The following FGGY variants were observed in gnomAD, a reference collection of about 807,000 sequenced individuals.
FGGY encodes FGGY carbohydrate kinase domain containing, also known as FGGY carbohydrate kinase domain-containing protein.
FGGY carries 72 observed loss-of-function variants against 71.3 expected under a neutral mutation model. The ratio of observed to expected loss-of-function variants is 1.01; its 90% CI spans 0.84 to 1.23. The LOEUF (loss-of-function observed/expected upper bound fraction) is 1.23. Among genes scored for constraint, FGGY ranks in the 50% most tolerant of loss-of-function variants. The pLI is 0.00. For synonymous variants in FGGY, 251 were observed against 250.3 expected (o/e 1.00, Z -0.02); for missense variants, 668 against 682.3 (o/e 0.98, Z 0.23).
intron 4 of FGGY, among the ~76,000 whole-genome samples, chr1:59,352,610 G>A (rs985015169): frequency 2.0e-5 from 3 of 152,154 alleles, no homozygotes; most frequent in Admixed American, 2.0e-4. Flanking sequence ...GAACCTGGGG[G>A]TTTGGATGGC....
chr1:59,514,892 G>T (rs1008433063), intron 7 of FGGY, among the ~76,000 whole-genome samples: 16 of 152,166 alleles, frequency 1.1e-4, no homozygotes, highest in Non-Finnish European at 2.9e-5. Context: ...CATAAAAACA[G>T]ACTAATACAG....
At chr1:59,687,454 C>T (rs2153996711) in intron 14 of FGGY, among the ~76,000 whole-genome samples, 1 of 151,928 alleles carries the variant, frequency 6.6e-6, no homozygotes, top group Middle Eastern at 3.4e-3. Flanking sequence ...TCTCTTCTGT[C>T]ACTAATGAAA....
At chr1:59,694,773 C>G (rs12079521) in intron 14 of FGGY, among the ~76,000 whole-genome samples, 1 of 151,682 alleles carries the variant, frequency 6.6e-6, no homozygotes, top group South Asian at 2.1e-4. Context: ...AATCCTCCCT[C>G]CTCAGTTTTC....
chr1:59,656,681 T>C (rs2097221218), intron 11 of FGGY, among the ~76,000 whole-genome samples: 1 of 152,150 alleles, frequency 6.6e-6, no homozygotes, highest in Non-Finnish European at 1.5e-5. Flanking sequence ...AACGGTTGTA[T>C]GAGAATTGTG....
intron 8 of FGGY, among the ~76,000 whole-genome samples, chr1:59,589,209 G>A (rs1315230757): frequency 6.6e-6 from 1 of 150,710 alleles, no homozygotes; most frequent in Non-Finnish European, 1.5e-5. Context: ...TTAAATAATG[G>A]TAAAGGGATC....
chr1:59,724,572 GC>G (rs2097924797), intron 14 of FGGY, among the ~76,000 whole-genome samples: 1 of 150,670 alleles, frequency 6.6e-6, no homozygotes, highest in Non-Finnish European at 1.5e-5. Flanking sequence ...TCTTTTTATT[GC>G]CTCTATAGTT....
At chr1:59,677,518 G>A (rs1294390335) in intron 14 of FGGY, among the ~76,000 whole-genome samples, 1 of 152,174 alleles carries the variant, frequency 6.6e-6, no homozygotes, top group Non-Finnish European at 1.5e-5. Flanking sequence ...AGACAGTAGA[G>A]GTAGGAAAAA....
intron 4 of FGGY, among the ~76,000 whole-genome samples, chr1:59,371,163 T>A (rs2057552955): frequency 6.6e-6 from 1 of 152,066 alleles, no homozygotes; most frequent in Admixed American, 6.5e-5. Flanking sequence ...AGGAAACCCA[T>A]CTCACATGCA....
chr1:59,596,841 G>C (rs953449078), intron 8 of FGGY, among the ~76,000 whole-genome samples: 2 of 152,118 alleles, frequency 1.3e-5, no homozygotes, highest in African/African-American at 4.8e-5. Flanking sequence ...AGGCAGCTAG[G>C]GAATGTAGGC....
At chr1:59,483,193 T>C (rs1452617627) in intron 6 of FGGY, among the ~76,000 whole-genome samples, 2 of 152,216 alleles carry the variant, frequency 1.3e-5, no homozygotes, top group Admixed American at 6.5e-5. Context: ...ATGGAGTGAC[T>C]TTCCTACTAC....
intron 7 of FGGY, among the ~76,000 whole-genome samples, chr1:59,519,745 C>T (rs2094771680): frequency 6.6e-6 from 1 of 152,190 alleles, no homozygotes; most frequent in African/African-American, 2.4e-5. Flanking sequence ...ATATCTTGCT[C>T]CTCACGATAA....
At chr1:59,430,132 T>A (rs146133704) in intron 5 of FGGY, among the ~76,000 whole-genome samples, 230 of 152,336 alleles carry the variant, frequency 1.5e-3, no homozygotes, top group African/African-American at 5.3e-3. Flanking sequence ...GAAGAGCTAA[T>A]TTTCTGGTCC....
chr1:59,456,249 T>C (rs2091679037), intron 5 of FGGY, among the ~76,000 whole-genome samples: 1 of 152,122 alleles, frequency 6.6e-6, no homozygotes, highest in South Asian at 2.1e-4. Context: ...ACATTTTCAG[T>C]ATGTATCTCT....
chr1:59,511,831 C>T (rs1470156464), intron 6 of FGGY, among the ~76,000 whole-genome samples: 1 of 152,100 alleles, frequency 6.6e-6, no homozygotes, highest in African/African-American at 2.4e-5. Flanking sequence ...ACACCTTTTT[C>T]CTCTTATCCT....
At chr1:59,330,286 A>G (rs1027502647) in intron 2 of FGGY, among the ~76,000 whole-genome samples, 6 of 152,142 alleles carry the variant, frequency 3.9e-5, no homozygotes, top group Non-Finnish European at 1.5e-5. Context: ...AGACCCAGGA[A>G]GTGTAAAAAA....
At chr1:59,491,890 G>A (rs540472335) in intron 6 of FGGY, among the ~76,000 whole-genome samples, 1 of 152,088 alleles carries the variant, frequency 6.6e-6, no homozygotes, top group Non-Finnish European at 1.5e-5. Context: ...AAATTTTTCT[G>A]TATGTACTTT....
At chr1:59,332,623 T>C (rs1264028644) in intron 2 of FGGY, among the ~76,000 whole-genome samples, 1 of 152,192 alleles carries the variant, frequency 6.6e-6, no homozygotes, top group Non-Finnish European at 1.5e-5. Flanking sequence ...TTCCAGTTTC[T>C]TGTGAGAGGT....
chr1:59,312,712 C>T (rs747838017), intron 1 of FGGY, among the ~76,000 whole-genome samples: 12 of 152,122 alleles, frequency 7.9e-5, no homozygotes, highest in Non-Finnish European at 1.8e-4. Context: ...TTGGCTTCAG[C>T]CAAGTTTGGG....
intron 14 of FGGY, among the ~76,000 whole-genome samples, chr1:59,754,551 T>A (rs1055296504): frequency 1.3e-5 from 2 of 152,140 alleles, no homozygotes; most frequent in African/African-American, 2.4e-5. Context: ...ACCCTCCCCG[T>A]GGGACCACAG....
Sources: gnomAD v4.1 joint callset for allele counts (sites outside exome capture counted in the v4.1 genomes callset) on GRCh38, gnomAD v4.1.1 for gene constraint, MANE v1.5 for transcripts, NCBI Gene and HGNC (gene_info 2026-07-23, HGNC 2026-07-21) for gene names.